Variants in CTNND2 observed in about 807,000 individuals in gnomAD.
CTNND2 encodes catenin delta-2.
In CTNND2, 22 loss-of-function variants were observed where a neutral mutation model predicts 144.4. The ratio of observed to expected loss-of-function variants is 0.15; its 90% CI spans 0.11 to 0.22. CTNND2 has a LOEUF of 0.22. Among genes scored for constraint, CTNND2 ranks in the 10% least tolerant of loss-of-function variants. The pLI is 1.00. For synonymous variants in CTNND2, 751 were observed against 695.6 expected, an observed-to-expected ratio of 1.08 and a Z score of -1.25; for missense variants, 1,353 against 1,618.8, an observed-to-expected ratio of 0.84 and a Z score of 2.82.
intron 2 of CTNND2, among the ~76,000 whole-genome samples, chr5:11,672,509 C>T (rs1411923819): frequency 6.6e-6 from 1 of 152,096 alleles, no homozygotes; most frequent in Non-Finnish European, 1.5e-5. Context: ...ACATGTGGTT[C>T]ACCTTGCTGA....
chr5:11,132,316 GT>G (rs1465018661), intron 12 of CTNND2, among the ~76,000 whole-genome samples: 2 of 152,188 alleles, frequency 1.3e-5, no homozygotes, highest in Non-Finnish European at 2.9e-5. Context: ...GCTTTTTATG[GT>G]CTTTGTTATA....
chr5:11,346,263 A>T, intron 9 of CTNND2, 109 bp downstream of exon 9: 1 of 1,119,980 alleles, frequency 8.9e-7, no homozygotes, highest in Non-Finnish European at 1.2e-6. Flanking sequence ...AGAAAAGCCA[A>T]CCCTTTAATA....
At chr5:11,712,863 TTTGA>T (rs1786111690) in intron 2 of CTNND2, among the ~76,000 whole-genome samples, 1 of 152,210 alleles carries the variant, frequency 6.6e-6, no homozygotes, top group Admixed American at 6.5e-5. Context: ...GAGATTATTT[TTTGA>T]TTAAGTATAT....
intron 12 of CTNND2, among the ~76,000 whole-genome samples, chr5:11,155,168 A>G (rs959282297): frequency 2.6e-5 from 4 of 152,294 alleles, no homozygotes; most frequent in African/African-American, 7.2e-5. Context: ...CGTTCAGACC[A>G]TGGTCCCTCA....
chr5:11,785,815 C>T (rs1281906088), intron 1 of CTNND2, among the ~76,000 whole-genome samples: 2 of 152,194 alleles, frequency 1.3e-5, no homozygotes, highest in East Asian at 3.9e-4. Flanking sequence ...GAGTAACAAA[C>T]ACATCAGTAC....
chr5:11,387,192 G>A (rs258826), intron 6 of CTNND2, among the ~76,000 whole-genome samples: 9 of 150,252 alleles, frequency 6.0e-5, no homozygotes, highest in South Asian at 2.1e-4. Context: ...CCCACGTCCC[G>A]CTAGAGCAGT....
rs567706833 is a variant in CTNND2 at position 11,343,879 on chromosome 5, A to G, written c.1628+2493T>C. ...AAATAAAATGTTAACAAATTCTCTT[A>G]AATATATGTAAATATATTTCAAAAG... On this transcript the variant is annotated intron_variant, in intron 9 of 21. Transcript: ENST00000304623. Among the ~76,000 whole-genome samples the G allele has an allele frequency of 7.2e-5, 11 of 152,334 alleles. No individual in the cohort carries two copies. The South Asian group carries it at 1.4e-3, about 20-fold the overall frequency.
chr5:11,437,017 T>G (rs767896154), intron 3 of CTNND2, among the ~76,000 whole-genome samples: 21 of 152,230 alleles, frequency 1.4e-4, no homozygotes, highest in Non-Finnish European at 2.8e-4. Context: ...CTAGTTTCTC[T>G]GAAATGTTCT....
At chr5:11,268,006 T>C (rs1337236568) in intron 9 of CTNND2, among the ~76,000 whole-genome samples, 1 of 152,146 alleles carries the variant, frequency 6.6e-6, no homozygotes, top group Non-Finnish European at 1.5e-5. Flanking sequence ...TGTTGCGAAG[T>C]CCCAAAAAAC....
intron 1 of CTNND2, among the ~76,000 whole-genome samples, chr5:11,818,610 C>T (rs540291616): frequency 6.7e-4 from 102 of 152,268 alleles, no homozygotes; most frequent in Non-Finnish European, 1.2e-3. Context: ...TTGAGTGATC[C>T]ACCCACCTTG....
chr5:11,333,665 G>C (rs1271886403), intron 9 of CTNND2, among the ~76,000 whole-genome samples: 1 of 152,194 alleles, frequency 6.6e-6, no homozygotes, highest in African/African-American at 2.4e-5. Flanking sequence ...CACCAGATAG[G>C]GAAGAGTAGG....
intron 3 of CTNND2, among the ~76,000 whole-genome samples, chr5:11,448,209 T>C (rs1259903011): frequency 6.6e-6 from 1 of 152,358 alleles, no homozygotes; most frequent in South Asian, 2.1e-4. Flanking sequence ...ACAAAACTAA[T>C]GAGAATGTGT....
intron 16 of CTNND2, among the ~76,000 whole-genome samples, chr5:11,026,255 T>C (rs1742810017): frequency 6.6e-6 from 1 of 151,728 alleles, no homozygotes; most frequent in Admixed American, 6.6e-5. Flanking sequence ...GCAGAAGAAG[T>C]GCCTGTCTTG....
At chr5:11,504,370 G>GT (rs1770815426) in intron 3 of CTNND2, among the ~76,000 whole-genome samples, 1 of 152,126 alleles carries the variant, frequency 6.6e-6, no homozygotes, top group African/African-American at 2.4e-5. Context: ...AAAATCTTGT[G>GT]TTTTTTAAGA....
At chr5:11,037,076 A>AT (rs903021860) in intron 16 of CTNND2, among the ~76,000 whole-genome samples, 3 of 152,226 alleles carry the variant, frequency 2.0e-5, no homozygotes, top group Non-Finnish European at 4.4e-5. Context: ...TTAAAAGAAG[A>AT]TCCCATTTCC....
chr5:11,118,780 T>C (rs1253845833), intron 12 of CTNND2, among the ~76,000 whole-genome samples: 2 of 152,210 alleles, frequency 1.3e-5, no homozygotes, highest in East Asian at 3.8e-4. Flanking sequence ...CATTTCATAT[T>C]CACAACATCT....
chr5:11,191,350 C>T (rs891600875), intron 11 of CTNND2, among the ~76,000 whole-genome samples: 2 of 152,132 alleles, frequency 1.3e-5, no homozygotes, highest in South Asian at 2.1e-4. Flanking sequence ...AGGCTTGTCA[C>T]GGGACAGAAC....
chr5:11,807,994 C>T (rs1261369296), intron 1 of CTNND2, among the ~76,000 whole-genome samples: 1 of 152,088 alleles, frequency 6.6e-6, no homozygotes, highest in African/African-American at 2.4e-5. Context: ...TAGTGGCTCC[C>T]TACAATAGAA....
At position 11,486,040 on chromosome 5, in the gene CTNND2, A is replaced by C. The variant is rs140279172; in HGVS notation, c.288-73971T>G. Reference sequence around the variant, plus strand: ...AGCCCTATAAATAAAGAAGAAAAAAACACCCAATTTGTAAAAATGGCCAAA... The same window carrying C: ...AGCCCTATAAATAAAGAAGAAAAAACCACCCAATTTGTAAAAATGGCCAAA... On this transcript the variant is annotated intron_variant, in intron 3 of 21. Transcript: ENST00000304623. Among the ~76,000 whole-genome samples the C allele has an allele frequency of 1.2e-4, 18 of 152,342 alleles. No homozygotes were observed. In the East Asian group the frequency reaches 2.5e-3, roughly 21 times the overall value.
Sources: gnomAD v4.1 joint callset for allele counts (sites outside exome capture counted in the v4.1 genomes callset) on GRCh38, gnomAD v4.1.1 for gene constraint, MANE v1.5 for transcripts, NCBI Gene and HGNC (gene_info 2026-07-23, HGNC 2026-07-21) for gene names.